The following ASAP3 variants were observed in gnomAD, a reference collection of about 807,000 sequenced individuals.
The protein encoded by ASAP3 is arf-GAP with SH3 domain, ANK repeat and PH domain-containing protein 3.
In ASAP3, 85 loss-of-function variants were observed where a neutral mutation model predicts 118.2. That is an observed-to-expected ratio of 0.72 (90% confidence interval 0.60 to 0.86). The LOEUF is 0.86. Ranked by LOEUF, ASAP3 falls within the 40% of genes least tolerant of loss-of-function variation. The pLI is 0.00. For synonymous variants in ASAP3, 432 were observed against 477.4 expected (o/e 0.90, Z 1.24); for missense variants, 1,026 against 1,175.0 (o/e 0.87, Z 1.85).
At chr1:23,434,714 C>T in intron 17 of ASAP3, 96 bp from the exon 18 acceptor site, 4 of 1,211,368 alleles carry the variant, frequency 3.3e-6, no homozygotes, top group Non-Finnish European at 4.7e-6. Context: ...CCTTATCCCC[C>T]CATAGGAAGC....
At chr1:23,435,139 C>T (rs1384286145) in intron 17 of ASAP3, among the ~76,000 whole-genome samples, 2 of 152,224 alleles carry the variant, frequency 1.3e-5, no homozygotes, top group Non-Finnish European at 2.9e-5. Context: ...GCCACCCTCC[C>T]ACCTCAGCCT....
intron 3 of ASAP3, among the ~76,000 whole-genome samples, chr1:23,453,461 G>C (rs534273774): frequency 7.2e-5 from 11 of 152,278 alleles, no homozygotes; most frequent in African/African-American, 2.6e-4. Context: ...ATTTTGGTAA[G>C]ATGGGCATCT....
chr1:23,430,139 T>C (rs986069965), intron 24 of ASAP3, among the ~76,000 whole-genome samples: 3 of 152,214 alleles, frequency 2.0e-5, no homozygotes, highest in Non-Finnish European at 2.9e-5. Context: ...CACACCACAA[T>C]CACAGGCATC....
Position 23,441,141 on chromosome 1 carries a change from C to T in ASAP3, c.905G>A (p.Gly302Glu). 1 of 1,614,202 alleles carries T rather than the reference C, an allele frequency of 6.2e-7. No homozygotes were observed. The highest frequency in any genetic ancestry group is 1.7e-5 in the Admixed American group (1 of 60,026). The change falls in exon 10 of 25, where the codon GGG (glycine) becomes GAG (glutamate). Residue 302 changes from glycine (G) to glutamate (E), a missense_variant. By Grantham distance (98) the Gly-to-Glu change is moderately conservative. Coordinates refer to ENST00000336689, the MANE Select transcript of ASAP3 (RefSeq NM_017707.4). ...IHQHQGNKQF[G>E]TEKVGFLYKK... ...GTATAGAAAGCCCACTTTCTCCGTC[C>T]CAAACTGCTTGTTGCCTTGGTGCTG...
In ASAP3 at chr1:23,438,888, C is replaced by T; in HGVS notation, c.1015-54G>A. The stretch of plus-strand genomic sequence containing the variant: ...TGCATTACCTCTGGCCCTCCACATT[C>T]TTTAGGCCTCCATTTCCCACTCTGT... On this transcript the variant is annotated intron_variant, in intron 11 of 24. Transcript: ENST00000336689. The surrounding 1 kb of genome is among the most constrained non-coding windows in gnomAD (Gnocchi z 4.9). The T allele has an allele frequency of 6.5e-7, 1 of 1,546,556 alleles. No individual in the cohort carries two copies. Among genetic ancestry groups the T allele is most frequent in the Non-Finnish European group, 8.9e-7 (1 of 1,119,780 alleles).
At chr1:23,458,827 A>G (rs1475488488) in intron 1 of ASAP3, among the ~76,000 whole-genome samples, 1 of 152,140 alleles carries the variant, frequency 6.6e-6, no homozygotes, top group Non-Finnish European at 1.5e-5. Context: ...CTAAAAGGTG[A>G]GTAATTTAAG....
intron 1 of ASAP3, among the ~76,000 whole-genome samples, chr1:23,465,897 T>C (rs1392230000): frequency 6.6e-6 from 1 of 152,182 alleles, no homozygotes; most frequent in African/African-American, 2.4e-5. Flanking sequence ...GCACAGCTTA[T>C]TTGATCTTGG....
chr1:23,441,978 T>C (rs113448129), intron 7 of ASAP3, among the ~76,000 whole-genome samples: 360 of 152,316 alleles, frequency 2.4e-3, no homozygotes, highest in African/African-American at 8.4e-3. Context: ...ATAGAGTACC[T>C]GCTCCCAGAA....
At chr1:23,456,941 T>C (rs955655761) in intron 1 of ASAP3, among the ~76,000 whole-genome samples, 3 of 151,992 alleles carry the variant, frequency 2.0e-5, no homozygotes, top group East Asian at 3.9e-4. Flanking sequence ...AACATCAGAA[T>C]GTGGGAAAGG....
chr1:23,468,870 CAA>C (rs1172330542), intron 1 of ASAP3, among the ~76,000 whole-genome samples: 10 of 47,370 alleles, frequency 2.1e-4, no homozygotes, highest in Middle Eastern at 0.013. Context: ...GACTCCATCT[CAA>C]AAAAAAAAAA....
At chr1:23,475,736 C>G (rs80056126) in intron 1 of ASAP3, among the ~76,000 whole-genome samples, 2 of 152,076 alleles carry the variant, frequency 1.3e-5, no homozygotes, top group African/African-American at 4.8e-5. Context: ...TTTGGGAGGC[C>G]AAGGCAAGAG....
At position 23,437,119 on chromosome 1, in the gene ASAP3, C is replaced by T. The variant is rs1558117859; in HGVS notation, c.1342+11G>A. The T allele has an allele frequency of 6.2e-7, 1 of 1,601,504 alleles. No individual in the cohort carries two copies. The highest frequency in any genetic ancestry group is 1.7e-5 in the Admixed American group (1 of 58,832). On this transcript the variant is annotated intron_variant, in intron 14 of 24. Transcript: ENST00000336689. This position sits in a 1 kb window ranked among gnomAD's most constrained non-coding sequence, Gnocchi z 6.1. ...TTAAGCCTCCCTCCTGCCCCGGCCCCGGGGACCGACCTGCAGCCCCGCAGT... is the reference window on the plus strand; with the variant it reads ...TTAAGCCTCCCTCCTGCCCCGGCCCTGGGGACCGACCTGCAGCCCCGCAGT...
In ASAP3 at chr1:23,436,891, A is replaced by T. The variant is rs1228675541; in HGVS notation, c.1476+20T>A. On this transcript the variant is annotated intron_variant, in intron 15 of 24. Transcript: ENST00000336689. This position sits in a 1 kb window ranked among gnomAD's most constrained non-coding sequence, Gnocchi z 4.2. ...CCTAACTCCGCTTCTGGCCCCTTCC[A>T]GGCCCCGCCCCGCCCTCACCAACAA... The T allele has an allele frequency of 6.2e-7, 1 of 1,600,348 alleles. No individual in the cohort carries two copies. The highest frequency in any genetic ancestry group is 2.3e-5 in the East Asian group (1 of 44,364).
intron 10 of ASAP3, 136 bp from the exon 11 acceptor site, chr1:23,439,366 C>A: frequency 1.3e-6 from 1 of 758,082 alleles, no homozygotes; most frequent in Admixed American, 2.2e-5. Flanking sequence ...TAACCCTACA[C>A]CCCCACCCCT....
intron 3 of ASAP3, among the ~76,000 whole-genome samples, chr1:23,453,105 C>G (rs1313772293): frequency 3.9e-5 from 6 of 152,182 alleles, no homozygotes; most frequent in Non-Finnish European, 8.8e-5. Context: ...AGCCTCATCG[C>G]TGCACTGCTC....
At chr1:23,433,014 C>T (rs560649088) in intron 22 of ASAP3, 63 bp downstream of exon 22, 354 of 1,590,924 alleles carry the variant, frequency 2.2e-4, no homozygotes, top group Non-Finnish European at 3.0e-4. Context: ...AGCTCAGTGC[C>T]CCAGCATATA....
At position 23,430,913 on chromosome 1, in the gene ASAP3, C is replaced by T. The variant is rs1467845096; in HGVS notation, c.2637+122G>A. 6 of 948,740 alleles carry T rather than the reference C, an allele frequency of 6.3e-6. No homozygotes were observed. In the African/African-American group the frequency reaches 8.5e-5, roughly 13 times the overall value. 58.8% of individuals were successfully genotyped at this position (948,740 alleles called of 1,614,324 possible). Reference sequence around the variant, plus strand: ...ACAGGGACTGTCCAAACTGTGGCTGCCTGGGCCCATCTGTACCCCAACCAT... The same window carrying T: ...ACAGGGACTGTCCAAACTGTGGCTGTCTGGGCCCATCTGTACCCCAACCAT... On this transcript the variant is annotated intron_variant, in intron 24 of 24. Transcript: ENST00000336689.
chr1:23,447,660 C>T (rs1004402760), intron 5 of ASAP3, among the ~76,000 whole-genome samples: 8 of 152,154 alleles, frequency 5.3e-5, no homozygotes, highest in Non-Finnish European at 1.0e-4. Context: ...CAAGTGATGG[C>T]AATGATGACA....
At chr1:23,472,456 T>C (rs1178511601) in intron 1 of ASAP3, among the ~76,000 whole-genome samples, 2 of 152,164 alleles carry the variant, frequency 1.3e-5, no homozygotes, top group Admixed American at 6.5e-5. Flanking sequence ...ATTACGGGTA[T>C]GAGCCACCAC....
Sources: allele counts gnomAD v4.1 joint callset (sites outside exome capture counted in the v4.1 genomes callset), GRCh38; gene constraint gnomAD v4.1.1; non-coding constraint Gnocchi (gnomAD v3.1); transcripts MANE v1.5; gene names NCBI Gene and HGNC (gene_info 2026-07-23, HGNC 2026-07-21).